RFWD3: variants seen among roughly 807,000 people sequenced by gnomAD.
The protein encoded by RFWD3 is ring finger and WD repeat domain 3, also known as E3 ubiquitin-protein ligase RFWD3.
RFWD3 carries 65 observed loss-of-function variants against 87.7 expected under a neutral mutation model. The observed-to-expected ratio is 0.74, with a 90% CI of 0.61 to 0.91. The LOEUF is 0.91. Among genes scored for constraint, RFWD3 ranks in the 40% least tolerant of loss-of-function variants. RFWD3 has a pLI of 0.00. For synonymous variants in RFWD3, 433 were observed against 352.8 expected (o/e 1.23, Z -2.55); for missense variants, 1,078 against 938.5 (o/e 1.15, Z -1.94).
chr16:74,660,565 A>G (rs1961346422), intron 2 of RFWD3: 1 of 202,500 alleles, frequency 4.9e-6, no homozygotes, highest in Admixed American at 5.3e-5. Context: ...GTTCAAACCA[A>G]GACTATGAAA....
At chr16:74,635,946 T>C (rs1338691083) in intron 8 of RFWD3, among the ~76,000 whole-genome samples, 2 of 152,256 alleles carry the variant, frequency 1.3e-5, no homozygotes, top group Non-Finnish European at 2.9e-5. Flanking sequence ...TTGGAAATTG[T>C]TAACTTGAAC....
At chr16:74,661,720 G>A (rs1029079217) in intron 1 of RFWD3, among the ~76,000 whole-genome samples, 4 of 152,128 alleles carry the variant, frequency 2.6e-5, no homozygotes, top group Non-Finnish European at 2.9e-5. Context: ...AAAATAGAAA[G>A]ATCTATAAAC....
intron 11 of RFWD3, 129 bp downstream of exon 11, chr16:74,628,323 G>C (rs909174890): frequency 1.3e-4 from 104 of 792,680 alleles, no homozygotes; most frequent in Non-Finnish European, 2.8e-5. Flanking sequence ...GTAGTAGCAA[G>C]AGCTACAACA....
intron 4 of RFWD3, among the ~76,000 whole-genome samples, chr16:74,647,080 C>T (rs1190119026): frequency 1.3e-5 from 2 of 148,374 alleles, no homozygotes; most frequent in East Asian, 2.0e-4. Context: ...GAGCGACACT[C>T]GTCTCAAAAA....
At chr16:74,630,654 A>C in intron 10 of RFWD3, 127 bp downstream of exon 10, 1 of 674,410 alleles carries the variant, frequency 1.5e-6, no homozygotes, top group South Asian at 2.5e-5. Flanking sequence ...AGTGAGATCA[A>C]GTGGATCTTC....
At chr16:74,644,229 C>T (rs954067318) in intron 6 of RFWD3, 133 bp downstream of exon 6, 7 of 811,026 alleles carry the variant, frequency 8.6e-6, no homozygotes, top group Admixed American at 3.5e-5. Context: ...AGACAGACTG[C>T]CAATGATCCC....
At position 74,646,847 on chromosome 16, in the gene RFWD3, C is replaced by T. The variant is rs145150318; in HGVS notation, c.793-2112G>A. Among the ~76,000 whole-genome samples the T allele has an allele frequency of 2.1e-4, 32 of 152,214 alleles. No individual in the cohort carries two copies. The East Asian group carries it at 3.9e-3, about 18-fold the overall frequency. ...CAGCACTTTGGGAGCCCGAAGCGGGCGGATCACCAGGTCAGGAGATCAAGA... is the reference window on the plus strand; with the variant it reads ...CAGCACTTTGGGAGCCCGAAGCGGGTGGATCACCAGGTCAGGAGATCAAGA... On this transcript the variant is annotated intron_variant, in intron 4 of 12. Coordinates refer to ENST00000361070, the MANE Select transcript of RFWD3 (RefSeq NM_018124.4).
At chr16:74,653,629 AAAGT>A (rs1242863115) in intron 2 of RFWD3, among the ~76,000 whole-genome samples, 1 of 152,246 alleles carries the variant, frequency 6.6e-6, no homozygotes, top group Non-Finnish European at 1.5e-5. Context: ...ACTAGCCAAC[AAAGT>A]AAGACACCAT....
At chr16:74,637,807 C>T in intron 7 of RFWD3, 49 bp downstream of exon 7, 1 of 1,359,134 alleles carries the variant, frequency 7.4e-7, no homozygotes, top group Non-Finnish European at 1.0e-6. Flanking sequence ...TTAGCTTCCT[C>T]TTCCATTCCT....
At chr16:74,635,355 T>A (rs1959186499) in intron 8 of RFWD3, among the ~76,000 whole-genome samples, 1 of 151,222 alleles carries the variant, frequency 6.6e-6, no homozygotes, top group Non-Finnish European at 1.5e-5. Context: ...TAGTCTCAAC[T>A]ACTTGGGAGG....
intron 11 of RFWD3, among the ~76,000 whole-genome samples, chr16:74,628,058 G>A (rs1958988439): frequency 1.3e-5 from 2 of 152,266 alleles, no homozygotes; most frequent in South Asian, 2.1e-4. Context: ...TATGCCAGCC[G>A]GGCTACTACA....
chr16:74,634,188 T>C (rs1454232707), intron 8 of RFWD3, among the ~76,000 whole-genome samples: 4 of 152,032 alleles, frequency 2.6e-5, no homozygotes, highest in Non-Finnish European at 5.9e-5. Context: ...CAATAGAGAA[T>C]GAAAATAAAT....
At position 74,645,805 on chromosome 16, in the gene RFWD3, T is replaced by C; in HGVS notation, c.793-1070A>G. 1.5e-5 allele frequency among the ~76,000 whole-genome samples: 2 copies of C among 132,858 alleles called. 1 individual carries two copies. The allele number at this position is 132,858 out of a possible 152,430, so 87.2% of individuals were successfully genotyped here. ...TCTCGCTCTGTCGCCCAGGCTGGAG[T>C]GTAGCGGCAGAATCTCGGCTCACTG... On this transcript the variant is annotated intron_variant, in intron 4 of 12. Coordinates refer to ENST00000361070, the MANE Select transcript of RFWD3 (RefSeq NM_018124.4).
chr16:74,649,068 A>G (rs1444567416), intron 4 of RFWD3, 64 bp downstream of exon 4: 2 of 1,097,808 alleles, frequency 1.8e-6, no homozygotes, highest in Non-Finnish European at 2.6e-6. Context: ...GGTGAGAGTG[A>G]GACCTAGTCT....
At position 74,629,813 on chromosome 16, in the gene RFWD3, A is replaced by G. The variant is rs372335611; in HGVS notation, c.1754+968T>C. ...TTGGAAACATAAATTATCTGTTAAGATACTTCAGATTTTGGCCAGGTCACA... is the reference window on the plus strand; with the variant it reads ...TTGGAAACATAAATTATCTGTTAAGGTACTTCAGATTTTGGCCAGGTCACA... On this transcript the variant is annotated intron_variant, in intron 10 of 12. Coordinates refer to ENST00000361070, the MANE Select transcript of RFWD3 (RefSeq NM_018124.4). Among the ~76,000 whole-genome samples, 5 of 152,264 alleles carry G rather than the reference A, an allele frequency of 3.3e-5. No homozygotes were observed. The South Asian group carries it at 6.2e-4, about 19-fold the overall frequency.
At chr16:74,665,808 G>A (rs940830094) in intron 1 of RFWD3, among the ~76,000 whole-genome samples, 16 of 151,250 alleles carry the variant, frequency 1.1e-4, no homozygotes, top group African/African-American at 2.9e-4. Flanking sequence ...GTGCAATGGC[G>A]TGATCTCAGC....
intron 2 of RFWD3, among the ~76,000 whole-genome samples, chr16:74,658,001 T>C (rs969648490): frequency 6.6e-6 from 1 of 152,204 alleles, no homozygotes; most frequent in Non-Finnish European, 1.5e-5. Context: ...CACTCTTTAA[T>C]ATTGCTTTTA....
At chr16:74,652,792 G>A (rs8050624) in intron 2 of RFWD3, among the ~76,000 whole-genome samples, 108,440 of 152,056 alleles carry the variant, frequency 0.71, 39,284 homozygotes, top group African/African-American at 0.84. Flanking sequence ...GGAATAACAA[G>A]GCATACTCCA....
At chr16:74,650,843 C>T (rs1960507353) in intron 3 of RFWD3, among the ~76,000 whole-genome samples, 1 of 151,658 alleles carries the variant, frequency 6.6e-6, no homozygotes, top group Non-Finnish European at 1.5e-5. Flanking sequence ...TGCCACTGCA[C>T]TCCAACCTGG....
Sources: allele counts gnomAD v4.1 joint callset (sites outside exome capture counted in the v4.1 genomes callset), GRCh38; gene constraint gnomAD v4.1.1; transcripts MANE v1.5; gene names NCBI Gene and HGNC (gene_info 2026-07-23, HGNC 2026-07-21).